EBI3: variants seen among roughly 807,000 people sequenced by gnomAD.
The protein encoded by EBI3 is interleukin-27 subunit beta.
A neutral mutation model predicts 21.3 loss-of-function variants in EBI3; 19 were observed. That is an observed-to-expected ratio of 0.89 (90% CI 0.62 to 1.31). The LOEUF is 1.31. Ranked by LOEUF, EBI3 falls within the 50% of genes most tolerant of loss-of-function variation. The pLI, the probability that EBI3 is intolerant of heterozygous loss-of-function variation, is 0.00. For synonymous variants in EBI3, 154 were observed against 131.2 expected (o/e 1.17, Z -1.19); for missense variants, 331 against 314.0 (o/e 1.05, Z -0.41).
intron 1 of EBI3, among the ~76,000 whole-genome samples, chr19:4,229,821 G>A (rs1252808126): frequency 6.6e-6 from 1 of 152,216 alleles, no homozygotes; most frequent in Non-Finnish European, 1.5e-5. Flanking sequence ...CACCTTGTGG[G>A]TGATAGGGAC....
rs768053133 is a variant in EBI3, at chr19:4,231,202, G to T, written c.79G>T (p.Ala27Ser). 1 of 1,596,420 alleles carries T rather than the reference G, an allele frequency of 6.3e-7. No individual in the cohort carries two copies. The highest frequency in any genetic ancestry group is 2.3e-5 in the East Asian group (1 of 43,856). Residue 27 changes from alanine to serine, a missense_variant, in exon 2 of 5, where the codon GCT becomes TCT. Physicochemically the swap from Ala to Ser is moderately conservative, Grantham distance 99. Coordinates refer to ENST00000221847, the MANE Select transcript of EBI3 (RefSeq NM_005755.3). Reference sequence around the variant, plus strand: ...CTGTCTTCCTCCAGGGCCCCCAGCAGCTCTGACACTGCCCCGGGTGCAATG... The same window carrying T: ...CTGTCTTCCTCCAGGGCCCCCAGCATCTCTGACACTGCCCCGGGTGCAATG... ...PCSGRKGPPAALTLPRVQCRA... is the reference protein window; with the variant it reads ...PCSGRKGPPASLTLPRVQCRA...
intron 4 of EBI3, among the ~76,000 whole-genome samples, chr19:4,235,745 T>C (rs1399326478): frequency 6.6e-6 from 1 of 151,714 alleles, no homozygotes; most frequent in Non-Finnish European, 1.5e-5. Flanking sequence ...CTGGGTAACA[T>C]AGTGAGACTC....
intron 2 of EBI3, 114 bp from the exon 3 acceptor site, chr19:4,233,015 C>A (rs1306636035): frequency 1.6e-6 from 2 of 1,261,744 alleles, no homozygotes; most frequent in African/African-American, 1.5e-5. Flanking sequence ...GATCCCCATC[C>A]GCTGCCCCCT....
At position 4,232,095 on chromosome 19, in the gene EBI3, C is replaced by T. The variant is rs569891198; in HGVS notation, c.200+772C>T. On this transcript the variant is annotated intron_variant, in intron 2 of 4. Coordinates refer to ENST00000221847, the MANE Select transcript of EBI3 (RefSeq NM_005755.3). ...CAAAAATTTGCCAGGTGTGATGGCA[C>T]GCGCCTGTAGTCCCAGCTACTCGGG... 7.9e-5 allele frequency among the ~76,000 whole-genome samples: 12 copies of T among 151,380 alleles called. No individual in the cohort carries two copies. In the East Asian group the frequency reaches 1.6e-3, roughly 20 times the overall value.
In EBI3 at chr19:4,233,317, G is replaced by A; in HGVS notation, c.379+10G>A. On this transcript the variant is annotated intron_variant, in intron 3 of 4. Transcript: ENST00000221847. ...ATAACAGAGCACATCAGTGAGTGGG[G>A]GCGGCAGTGGGGGCGGGGGCGGGGC... 6.3e-7 allele frequency: 1 copy of A among 1,583,392 alleles called. No homozygotes were observed. Among genetic ancestry groups the A allele is most frequent in the Non-Finnish European group, 8.6e-7 (1 of 1,166,844 alleles).
At chr19:4,232,222 C>CAAAAAAAAAAA (rs71166979) in intron 2 of EBI3, among the ~76,000 whole-genome samples, 1 of 57,818 alleles carries the variant, frequency 1.7e-5, no homozygotes, top group African/African-American at 9.0e-5. Context: ...GACCCCGTCT[C>CAAAAAAAAAAA]AAAAAAAAAA....
intron 3 of EBI3, among the ~76,000 whole-genome samples, chr19:4,233,959 C>T (rs1970814241): frequency 6.6e-6 from 1 of 152,158 alleles, no homozygotes; most frequent in South Asian, 2.1e-4. Context: ...AATCCCAGCA[C>T]TTTGGGAGGC....
rs753920348 is a variant in EBI3 at position 4,231,276 on chromosome 19, G to T, written c.153G>T (p.Pro51=). 1.2e-6 allele frequency: 2 copies of T among 1,612,864 alleles called. No homozygotes were observed. The highest frequency in any genetic ancestry group is 1.7e-6 in the Non-Finnish European group (2 of 1,179,716). ...CCGTGGATTGCTCCTGGACCCTGCC[G>T]CCTGCTCCAAACTCCACCAGCCCCG... is the stretch of plus-strand genomic sequence containing the variant. ...PIAVDCSWTL[P]PAPNSTSPVS... Residue 51 remains proline (P), a synonymous_variant, in exon 2 of 5, where the codon CCG becomes CCT. Transcript: ENST00000221847.
intron 2 of EBI3, among the ~76,000 whole-genome samples, chr19:4,231,736 A>G (rs1599486929): frequency 7.3e-6 from 1 of 136,936 alleles, no homozygotes; most frequent in African/African-American, 2.8e-5. Flanking sequence ...GCACCATTGC[A>G]CTCCAGCCTG....
At chr19:4,232,222 C>CAAAAAA (rs71166979) in intron 2 of EBI3, among the ~76,000 whole-genome samples, 7 of 57,816 alleles carry the variant, frequency 1.2e-4, no homozygotes, top group African/African-American at 4.5e-4. Context: ...GACCCCGTCT[C>CAAAAAA]AAAAAAAAAA....
rs781255973 is a variant in EBI3, at chr19:4,229,587, G to A, written c.37G>A (p.Ala13Thr). ...GCTTCTCCTGGCCCTTGTCCTCTGG[G>A]CCAGCTGCCCGCCCTGCAGTGGAAG... ...PQLLLALVLWASCPPCSGRKG... is the reference protein window; with the variant it reads ...PQLLLALVLWTSCPPCSGRKG... The change falls in exon 1 of 5, where the codon GCC (alanine) becomes ACC (threonine). Residue 13 changes from alanine (A) to threonine (T), a missense_variant. Ala to Thr is a moderately conservative substitution (Grantham distance 58). Transcript: ENST00000221847. 13 of 1,610,770 alleles carry A rather than the reference G, an allele frequency of 8.1e-6. No homozygotes were observed. Among genetic ancestry groups the A allele is most frequent in the South Asian group, 3.3e-5 (3 of 90,236 alleles).
rs1363318470 is a variant in EBI3, at chr19:4,229,629, C to T, written c.67+12C>T. 14 of 1,601,122 alleles carry T rather than the reference C, an allele frequency of 8.7e-6. No homozygotes were observed. The highest frequency in any genetic ancestry group is 1.1e-5 in the South Asian group (1 of 88,850). ...CAGTGGAAGGAAAGGTATGTGGGGCCCCTGGGGGACTGGGGGGCCCAGGCA... is the reference window on the plus strand; with the variant it reads ...CAGTGGAAGGAAAGGTATGTGGGGCTCCTGGGGGACTGGGGGGCCCAGGCA... On this transcript the variant is annotated intron_variant, in intron 1 of 4. Transcript: ENST00000221847.
At chr19:4,232,772 GAATT>G (rs1568355523) in intron 2 of EBI3, among the ~76,000 whole-genome samples, 1 of 128,232 alleles carries the variant, frequency 7.8e-6, no homozygotes, top group Non-Finnish European at 1.6e-5. Context: ...ATGAAGGAAT[GAATT>G]AATGAATGAA....
intron 1 of EBI3, 39 bp downstream of exon 1, chr19:4,229,656 A>G (rs1970764968): frequency 5.1e-6 from 8 of 1,569,470 alleles, no homozygotes; most frequent in South Asian, 4.6e-5. Context: ...GCCCAGGCAG[A>G]CGGACATGAC....
intron 4 of EBI3, among the ~76,000 whole-genome samples, 156 bp downstream of exon 4, chr19:4,234,980 C>T (rs113279841): frequency 0.066 from 10,019 of 152,132 alleles, 549 homozygotes; most frequent in South Asian, 0.3. Context: ...AGGCCTCTAC[C>T]GAAAAGGATG....
chr19:4,234,876 G>T (rs1383349589), intron 4 of EBI3, 52 bp downstream of exon 4: 3 of 1,599,194 alleles, frequency 1.9e-6, no homozygotes, highest in Middle Eastern at 1.8e-4. Flanking sequence ...CAGAGGGAAT[G>T]GTTTTTACCA....
rs973649106 is a variant in EBI3 at position 4,237,163 on chromosome 19, G to A, written c.*75G>A. ...AGCCCCGGGACACCTGTTGGAGGGCGGATGGGATCTGCCTAGCCTGGGCTG... is the reference window on the plus strand; with the variant it reads ...AGCCCCGGGACACCTGTTGGAGGGCAGATGGGATCTGCCTAGCCTGGGCTG... On this transcript the variant is annotated 3_prime_UTR_variant, in exon 5 of 5. Transcript: ENST00000221847. The A allele has an allele frequency of 6.3e-5, 88 of 1,394,836 alleles. No individual in the cohort carries two copies. Among genetic ancestry groups the A allele is most frequent in the Middle Eastern group, 2.7e-4 (1 of 3,660 alleles). 86.4% of individuals were successfully genotyped at this position (1,394,836 alleles called of 1,614,324 possible).
At chr19:4,236,760 G>A (rs949650605) in intron 4 of EBI3, among the ~76,000 whole-genome samples, 176 bp from the exon 5 acceptor site, 83 of 152,078 alleles carry the variant, frequency 5.5e-4, no homozygotes, top group Non-Finnish European at 1.0e-3. Flanking sequence ...GACAGAGGCC[G>A]GGATTGGGAG....
At chr19:4,231,562 G>A (rs1325789186) in intron 2 of EBI3, among the ~76,000 whole-genome samples, 1 of 152,014 alleles carries the variant, frequency 6.6e-6, no homozygotes, top group Admixed American at 6.6e-5. Flanking sequence ...TTGAGGTCAG[G>A]AGTTTGAGAC....
Sources: gnomAD v4.1 joint callset for allele counts (sites outside exome capture counted in the v4.1 genomes callset) on GRCh38, gnomAD v4.1.1 for gene constraint, MANE v1.5 for transcripts, NCBI Gene and HGNC (gene_info 2026-07-23, HGNC 2026-07-21) for gene names.